COQ3: variants seen among roughly 807,000 people sequenced by gnomAD.
COQ3 encodes coenzyme Q3, methyltransferase.
In COQ3, 29 loss-of-function variants were observed where a neutral mutation model predicts 33.1. That is an observed-to-expected ratio of 0.88 (90% CI 0.65 to 1.19). COQ3 has a LOEUF of 1.19. Among genes scored for constraint, COQ3 ranks in the 50% most tolerant of loss-of-function variants. The pLI, the probability that COQ3 is intolerant of heterozygous loss-of-function variation, is 0.00. For synonymous variants in COQ3, 173 were observed against 157.8 expected, an observed-to-expected ratio of 1.10 and a Z score of -0.72; for missense variants, 437 against 430.7, an observed-to-expected ratio of 1.01 and a Z score of -0.13.
At position 99,380,238 on chromosome 6, in the gene COQ3, C is replaced by T. The variant is rs1582723218; in HGVS notation, c.337G>A (p.Val113Ile). Residue 113 changes from valine to isoleucine, a missense_variant, in exon 3 of 7, where the codon GTA (valine) becomes ATA (isoleucine). Coordinates refer to ENST00000254759, the MANE Select transcript of COQ3 (RefSeq NM_017421.4). ...LAHKWWDEQGVYAPLHSMNDL... is the reference protein window; with the variant it reads ...LAHKWWDEQGIYAPLHSMNDL... ...TTCATGGAATGAAGAGGTGCATATA[C>T]TCCTTGTTCATCCCACCATTTGTGA... is the stretch of plus-strand genomic sequence containing the variant. The T allele has an allele frequency of 1.9e-6, 3 of 1,614,058 alleles. No individual in the cohort carries two copies. Among genetic ancestry groups the T allele is most frequent in the Non-Finnish European group, 2.5e-6 (3 of 1,179,996 alleles).
intron 1 of COQ3, among the ~76,000 whole-genome samples, chr6:99,387,265 A>G (rs146620251): frequency 6.6e-6 from 1 of 152,326 alleles, no homozygotes; most frequent in East Asian, 1.9e-4. Context: ...TCTGGGCAAC[A>G]TGGTGAGACC....
At chr6:99,387,768 T>C (rs1190618876) in intron 1 of COQ3, among the ~76,000 whole-genome samples, 4 of 152,170 alleles carry the variant, frequency 2.6e-5, no homozygotes, top group African/African-American at 9.7e-5. Flanking sequence ...AAATAAAAGA[T>C]ATATAGAATG....
intron 1 of COQ3, among the ~76,000 whole-genome samples, chr6:99,384,542 CATGAA>C (rs1290920770): frequency 2.6e-5 from 4 of 152,058 alleles, no homozygotes; most frequent in Non-Finnish European, 4.4e-5. Context: ...ATATTAGCTA[CATGAA>C]ATGAATTTTT....
In COQ3 at chr6:99,376,191, A is replaced by G. The variant is rs759630955; in HGVS notation, c.487-9T>C. ...CCAAGCCGCCCTAGAGGCTAATGGC[A>G]TTAAAAAAACTGTTACCCTCAGGAA... On this transcript the variant is annotated splice_polypyrimidine_tract_variant and intron_variant, in intron 4 of 6. Transcript: ENST00000254759. 3 of 1,610,422 alleles carry G rather than the reference A, an allele frequency of 1.9e-6. No homozygotes were observed. The highest frequency in any genetic ancestry group is 3.4e-5 in the Admixed American group (2 of 59,232).
rs147609954 is a variant in COQ3, at chr6:99,369,637, C to T, written c.1073G>A (p.Cys358Tyr). The change falls in exon 7 of 7, where the codon TGC (cysteine) becomes TAC (tyrosine). Residue 358 changes from cysteine to tyrosine, a missense_variant. Physicochemically the swap from Cys to Tyr is radical, Grantham distance 194. Transcript: ENST00000254759. ...GETEELQANA[C>Y]TNPAVHEKLK... is the part of the protein sequence containing the mutation. Reference sequence around the variant, plus strand: ...CTTTTCATGCACAGCTGGATTGGTGCAGGCATTAGCTTGGAGCTCTTCTGT... The same window carrying T: ...CTTTTCATGCACAGCTGGATTGGTGTAGGCATTAGCTTGGAGCTCTTCTGT... The T allele has an allele frequency of 3.2e-5, 51 of 1,614,020 alleles. No individual in the cohort carries two copies. The African/African-American group carries it at 6.0e-4, about 19-fold the overall frequency.
At chr6:99,380,160 A>G in intron 3 of COQ3, 29 bp downstream of exon 3, 3 of 1,581,108 alleles carry the variant, frequency 1.9e-6, no homozygotes. Flanking sequence ...AGTTCCATTT[A>G]AAAAGACTTA....
At chr6:99,377,159 G>A (rs181892424) in intron 4 of COQ3, among the ~76,000 whole-genome samples, 194 of 151,020 alleles carry the variant, frequency 1.3e-3, no homozygotes, top group African/African-American at 2.9e-3. Context: ...ACAGGTGCCC[G>A]CCACCACACC....
chr6:99,377,440 A>G lies in COQ3; in HGVS notation c.432T>C (p.Pro144=), dbSNP rs539659963. 3.7e-6 allele frequency: 6 copies of G among 1,613,436 alleles called. 1 individual carries two copies. The South Asian group carries it at 6.6e-5, about 18-fold the overall frequency. ...CGTCAAGAATCTTCATCCCCAACAA[A>G]GGTTTTCCTGGCTGGTGATTAGGAA... ...KTIPNHQPGK[P]LLGMKILDVG... Residue 144 remains proline (P), a synonymous_variant, in exon 4 of 7, where the codon CCT becomes CCC. Transcript: ENST00000254759.
At chr6:99,390,935 G>A (rs970538262) in intron 1 of COQ3, among the ~76,000 whole-genome samples, 4 of 151,968 alleles carry the variant, frequency 2.6e-5, no homozygotes, top group African/African-American at 9.7e-5. Context: ...TTCACATCTT[G>A]TCTTTTTGTA....
chr6:99,382,791 T>C (rs1167470380), intron 2 of COQ3, among the ~76,000 whole-genome samples: 2 of 151,830 alleles, frequency 1.3e-5, no homozygotes, highest in Non-Finnish European at 2.9e-5. Flanking sequence ...CCTTCTCTAC[T>C]AAAAATACAA....
intron 5 of COQ3, among the ~76,000 whole-genome samples, chr6:99,373,977 A>G (rs1774211521): frequency 6.6e-6 from 1 of 152,182 alleles, no homozygotes; most frequent in African/African-American, 2.4e-5. Context: ...AGTACACTCC[A>G]GCCTGGGTGA....
In COQ3 at chr6:99,377,472, T is replaced by C. The variant is rs11548336; in HGVS notation, c.400A>G (p.Lys134Glu). The change falls in exon 4 of 7, where the codon AAA (lysine) becomes GAA (glutamate). Residue 134 changes from lysine to glutamate, a missense_variant. Coordinates refer to ENST00000254759, the MANE Select transcript of COQ3 (RefSeq NM_017421.4). ...RVPFIRDNLL[K>E]TIPNHQPGKP... is the part of the protein sequence containing the mutation. ...CCTGGCTGGTGATTAGGAATTGTTT[T>C]CAGAAGATTGTCCCTTTTTTAAAAA... The C allele has an allele frequency of 0.31, 489,713 of 1,604,986 alleles. 76,311 individuals are homozygous for C. The highest frequency in any genetic ancestry group is 0.43 in the East Asian group (19,338 of 44,628).
At chr6:99,388,720 A>C (rs6932868) in intron 1 of COQ3, among the ~76,000 whole-genome samples, 146,229 of 151,976 alleles carry the variant, frequency 0.96, 70,598 homozygotes, top group East Asian at 1. Flanking sequence ...TGGTGGTGGG[A>C]ACCTGTAATA....
At chr6:99,381,724 C>A (rs1774476001) in intron 2 of COQ3, among the ~76,000 whole-genome samples, 1 of 151,930 alleles carries the variant, frequency 6.6e-6, no homozygotes. Context: ...TCAGGAGTTC[C>A]AGATCAGCCT....
chr6:99,380,324 A>C lies in COQ3; in HGVS notation c.251T>G (p.Leu84Arg). The C allele has an allele frequency of 1.9e-6, 3 of 1,613,810 alleles. No homozygotes were observed. Among genetic ancestry groups the C allele is most frequent in the Non-Finnish European group, 2.5e-6 (3 of 1,179,856 alleles). The change falls in exon 3 of 7, where the codon CTG (leucine) becomes CGG (arginine). Residue 84 changes from leucine to arginine, a missense_variant. By Grantham distance (102) the Leu-to-Arg change is moderately radical (BLOSUM62 -2). Transcript: ENST00000254759. ...GACAGTGGTTTGGGAAGTACTGTAC[A>C]GTCTCGCCCAAGGGTACCTAAAAGG... ...IKSFRYPWARLYSTSQTTVDS... is the reference protein window; with the variant it reads ...IKSFRYPWARRYSTSQTTVDS...
At chr6:99,391,635 CTT>C (rs1774834076) in intron 1 of COQ3, among the ~76,000 whole-genome samples, 1 of 152,168 alleles carries the variant, frequency 6.6e-6, no homozygotes, top group Non-Finnish European at 1.5e-5. Context: ...TGATCTCTCT[CTT>C]ACCTCCTCTA....
chr6:99,387,208 G>A (rs1378639246), intron 1 of COQ3, among the ~76,000 whole-genome samples: 1 of 152,162 alleles, frequency 6.6e-6, no homozygotes, highest in African/African-American at 2.4e-5. Flanking sequence ...CAGCACTTTG[G>A]GAGGCTGAAG....
rs1774158070 is a variant in COQ3 at position 99,372,053 on chromosome 6, TA to T, written c.730-467del. Among the ~76,000 whole-genome samples the T allele has an allele frequency of 5.9e-5, 9 of 152,336 alleles. No individual in the cohort carries two copies. The South Asian group carries it at 1.9e-3, about 32-fold the overall frequency. ...GTACTACCAATAAGTGTTTTCTCACTAAAACATTAATGATTAGGTTTGAACA... is the reference window on the plus strand; with the variant it reads ...GTACTACCAATAAGTGTTTTCTCACTAAACATTAATGATTAGGTTTGAACA... On this transcript the variant is annotated intron_variant, in intron 5 of 6. Coordinates refer to ENST00000254759, the MANE Select transcript of COQ3 (RefSeq NM_017421.4).
intron 1 of COQ3, among the ~76,000 whole-genome samples, chr6:99,385,664 A>G (rs1490707352): frequency 6.6e-6 from 1 of 152,158 alleles, no homozygotes; most frequent in Non-Finnish European, 1.5e-5. Flanking sequence ...CACTAAAATA[A>G]TCATATTGAA....
Sources: allele counts gnomAD v4.1 joint callset (sites outside exome capture counted in the v4.1 genomes callset), GRCh38; gene constraint gnomAD v4.1.1; transcripts MANE v1.5; gene names NCBI Gene and HGNC (gene_info 2026-07-23, HGNC 2026-07-21).